Variants in MAGI2 observed in about 807,000 individuals in gnomAD.
MAGI2 encodes membrane-associated guanylate kinase, WW and PDZ domain-containing protein 2.
In MAGI2, 35 loss-of-function variants were observed where a neutral mutation model predicts 133.3. That is an observed-to-expected ratio of 0.26 (90% CI 0.20 to 0.35). MAGI2 has a LOEUF of 0.35. Among genes scored for constraint, MAGI2 ranks in the 10% least tolerant of loss-of-function variants. The pLI is 1.00. For missense variants in MAGI2, 1,636 were observed against 1,863.4 expected (o/e 0.88, Z 2.25); for synonymous variants, 729 against 710.6 (o/e 1.03, Z -0.41).
chr7:79,246,544 G>C (rs1433390013), intron 1 of MAGI2, among the ~76,000 whole-genome samples: 4 of 152,086 alleles, frequency 2.6e-5, no homozygotes, highest in African/African-American at 9.7e-5. Context: ...TAACAGACTT[G>C]ATCAACCAAA....
At chr7:78,199,801 A>G (rs1829070516) in intron 11 of MAGI2, among the ~76,000 whole-genome samples, 1 of 152,222 alleles carries the variant, frequency 6.6e-6, no homozygotes. Flanking sequence ...GGAATTACTG[A>G]CTATGCATGT....
chr7:79,323,171 C>T (rs1585566984), intron 1 of MAGI2, among the ~76,000 whole-genome samples: 1 of 152,214 alleles, frequency 6.6e-6, no homozygotes, highest in East Asian at 1.9e-4. Context: ...TTCACTTACA[C>T]AACAACAATT....
At chr7:78,960,137 A>G (rs1190418090) in intron 2 of MAGI2, among the ~76,000 whole-genome samples, 1 of 152,070 alleles carries the variant, frequency 6.6e-6, no homozygotes, top group Non-Finnish European at 1.5e-5. Context: ...AGAAGGTGGT[A>G]CTCCCTCAGA....
chr7:79,200,324 A>G (rs908949332), intron 1 of MAGI2, among the ~76,000 whole-genome samples: 1 of 151,850 alleles, frequency 6.6e-6, no homozygotes, highest in Admixed American at 6.6e-5. Context: ...AACTGTTTCA[A>G]ACACTTTCGG....
At chr7:78,500,177 A>G (rs983822142) in intron 5 of MAGI2, among the ~76,000 whole-genome samples, 2 of 152,240 alleles carry the variant, frequency 1.3e-5, no homozygotes, top group Admixed American at 6.5e-5. Flanking sequence ...CATGATTCAG[A>G]GTTTCCAACT....
At chr7:79,124,164 C>A (rs1820177868) in intron 1 of MAGI2, among the ~76,000 whole-genome samples, 1 of 152,056 alleles carries the variant, frequency 6.6e-6, no homozygotes, top group South Asian at 2.1e-4. Context: ...TTCTAAACAC[C>A]AGAAAGTGAG....
chr7:78,274,926 G>T (rs759637572), intron 9 of MAGI2, among the ~76,000 whole-genome samples: 1 of 152,120 alleles, frequency 6.6e-6, no homozygotes, highest in African/African-American at 2.4e-5. Context: ...CCTGGCCTCA[G>T]CCTCTTTTCC....
intron 1 of MAGI2, among the ~76,000 whole-genome samples, chr7:79,046,828 A>T (rs1429889079): frequency 6.6e-6 from 1 of 152,228 alleles, no homozygotes; most frequent in Admixed American, 6.5e-5. Context: ...ATTTTCTAAA[A>T]GTTAAATACT....
intron 10 of MAGI2, among the ~76,000 whole-genome samples, chr7:78,217,927 GTGTATTTACTTAGA>G (rs527999786): frequency 3.3e-4 from 51 of 152,264 alleles, no homozygotes; most frequent in African/African-American, 1.1e-3. Context: ...ATAATCTCCT[GTGTATTTACTTAGA>G]TGCATGACTA....
chr7:79,237,350 C>T (rs561675566), intron 1 of MAGI2, among the ~76,000 whole-genome samples: 13 of 151,984 alleles, frequency 8.6e-5, no homozygotes, highest in African/African-American at 2.7e-4. Context: ...AAAAATTAGC[C>T]GGCGTGGTGG....
At chr7:78,501,912 T>A (rs1794662179) in intron 4 of MAGI2, 125 bp from the exon 5 acceptor site, 2 of 676,472 alleles carry the variant, frequency 3.0e-6, no homozygotes, top group Admixed American at 2.7e-5. Flanking sequence ...CAGGAAACAT[T>A]TCTGAAAAAG....
In MAGI2 at chr7:78,501,698, C is replaced by A. The variant is rs749359209; in HGVS notation, c.844G>T (p.Glu282Ter). ...YPAPVYSQPE[E>*]LKEQMDDTKP... ...GTGTCATCCATCTGCTCCTTCAGCTCCTCAGGCTGACTGTACACTGGTGCA... is the reference window on the plus strand; with the variant it reads ...GTGTCATCCATCTGCTCCTTCAGCTACTCAGGCTGACTGTACACTGGTGCA... The change falls in exon 5 of 22, where the codon GAG (glutamate) becomes TAG (stop). Residue 282 changes from glutamate to a stop codon, truncating the protein, a stop_gained. Coordinates refer to ENST00000354212, the MANE Select transcript of MAGI2 (RefSeq NM_012301.4). LOFTEE classifies it high-confidence loss of function. 7 of 1,614,076 alleles carry A rather than the reference C, an allele frequency of 4.3e-6. No homozygotes were observed. Among genetic ancestry groups the A allele is most frequent in the Non-Finnish European group, 5.1e-6 (6 of 1,180,000 alleles).
intron 21 of MAGI2, among the ~76,000 whole-genome samples, chr7:78,057,779 A>T (rs749966853): frequency 6.6e-6 from 1 of 151,612 alleles, no homozygotes; most frequent in Non-Finnish European, 1.5e-5. Flanking sequence ...TTTCACTTAC[A>T]TGGTGAGTAA....
intron 1 of MAGI2, among the ~76,000 whole-genome samples, chr7:79,345,697 T>G (rs1387291241): frequency 6.6e-6 from 1 of 152,154 alleles, no homozygotes; most frequent in Non-Finnish European, 1.5e-5. Context: ...ATTGGCAATT[T>G]AAAATAAACT....
intron 9 of MAGI2, among the ~76,000 whole-genome samples, chr7:78,306,360 A>C (rs183887922): frequency 8.5e-5 from 13 of 152,326 alleles, no homozygotes; most frequent in Admixed American, 2.6e-4. Flanking sequence ...AGAGGGTGGC[A>C]TCTAAAATAA....
intron 9 of MAGI2, among the ~76,000 whole-genome samples, chr7:78,259,705 T>C (rs1201812151): frequency 2.0e-5 from 3 of 152,120 alleles, no homozygotes; most frequent in African/African-American, 7.2e-5. Flanking sequence ...TCTCCCTAAC[T>C]TTAATCACTG....
intron 5 of MAGI2, among the ~76,000 whole-genome samples, chr7:78,497,269 T>C (rs55905217): frequency 0.16 from 24,548 of 152,158 alleles, 3,164 homozygotes; most frequent in African/African-American, 0.35. Flanking sequence ...TTAAAGCATG[T>C]TTGGAAGAGT....
At chr7:79,180,144 G>T (rs996159576) in intron 1 of MAGI2, among the ~76,000 whole-genome samples, 5 of 152,012 alleles carry the variant, frequency 3.3e-5, no homozygotes, top group Non-Finnish European at 7.4e-5. Context: ...ATATAAATGA[G>T]CAACAGGTAT....
chr7:78,193,763 A>G (rs1828455741), intron 12 of MAGI2, among the ~76,000 whole-genome samples: 1 of 151,622 alleles, frequency 6.6e-6, no homozygotes. Flanking sequence ...AAAAAAAAGT[A>G]TATGTGGGTT....
Sources: gnomAD v4.1 joint callset for allele counts (sites outside exome capture counted in the v4.1 genomes callset) on GRCh38, gnomAD v4.1.1 for gene constraint, MANE v1.5 for transcripts, NCBI Gene and HGNC (gene_info 2026-07-23, HGNC 2026-07-21) for gene names.